Variants in ADAMTSL1 observed in about 807,000 individuals in gnomAD.
ADAMTSL1 encodes ADAMTS-like protein 1.
In ADAMTSL1, 126 loss-of-function variants were observed where a neutral mutation model predicts 201.8. That is an observed-to-expected ratio of 0.62 (90% confidence interval 0.54 to 0.72). The LOEUF is 0.72. Ranked by LOEUF, ADAMTSL1 falls within the 30% of genes least tolerant of loss-of-function variation. ADAMTSL1 has a pLI of 0.00. For synonymous variants in ADAMTSL1, 1,121 were observed against 903.4 expected (o/e 1.24, Z -4.32); for missense variants, 2,679 against 2,277.8 (o/e 1.18, Z -3.59).
chr9:18,206,138 T>G (rs1373588809), intron 2 of ADAMTSL1, among the ~76,000 whole-genome samples: 1 of 151,570 alleles, frequency 6.6e-6, no homozygotes, highest in Non-Finnish European at 1.5e-5. Context: ...GAGTTTTATG[T>G]TATCTTATTT....
At chr9:18,409,736 TA>T (rs1162895153) in intron 2 of ADAMTSL1, among the ~76,000 whole-genome samples, 24 of 150,550 alleles carry the variant, frequency 1.6e-4, no homozygotes, top group African/African-American at 5.6e-4. Context: ...TACATATAAG[TA>T]TCATGTATAT....
chr9:18,882,384 A>C (rs1397024549), intron 23 of ADAMTSL1, among the ~76,000 whole-genome samples: 1 of 151,942 alleles, frequency 6.6e-6, no homozygotes, highest in Non-Finnish European at 1.5e-5. Flanking sequence ...GCATTTGCCT[A>C]TTTCAGTCAG....
At chr9:18,067,652 G>T (rs939697934) in intron 1 of ADAMTSL1, among the ~76,000 whole-genome samples, 2 of 152,312 alleles carry the variant, frequency 1.3e-5, no homozygotes, top group South Asian at 2.1e-4. Flanking sequence ...TGGAGGGGCG[G>T]TGAAATACTC....
chr9:18,043,018 C>T (rs187675225), intron 1 of ADAMTSL1, among the ~76,000 whole-genome samples: 3 of 152,098 alleles, frequency 2.0e-5, no homozygotes, highest in Admixed American at 6.6e-5. Flanking sequence ...CTTTGTAAGA[C>T]AAAAAGTAAG....
At chr9:18,610,875 A>G (rs1049734793) in intron 4 of ADAMTSL1, among the ~76,000 whole-genome samples, 2 of 152,202 alleles carry the variant, frequency 1.3e-5, no homozygotes, top group Non-Finnish European at 2.9e-5. Flanking sequence ...CAAGAGTTTA[A>G]TTGTGTGTAG....
chr9:18,634,257 T>A (rs1197922267), intron 5 of ADAMTSL1, among the ~76,000 whole-genome samples: 1 of 152,044 alleles, frequency 6.6e-6, no homozygotes, highest in Non-Finnish European at 1.5e-5. Flanking sequence ...TTATGTACAC[T>A]GTTAAAAAAA....
rs1232464574 is a variant in ADAMTSL1 at position 18,887,956 on chromosome 9, C to T, written c.4375C>T (p.Leu1459Phe). The stretch of plus-strand genomic sequence containing the variant: ...TGGACAGATCCTTCAAGTTGCAAAC[C>T]TTAGCGGTGGGTCTCAAGGGGAATT... ...AAGQILQVAN[L>F]SGGSQGEFSC... is the part of the protein sequence containing the mutation. The change falls in exon 24 of 29, where the codon CTT becomes TTT. Residue 1459 changes from leucine (L) to phenylalanine (F), a missense_variant. By Grantham distance (22) the Leu-to-Phe change is conservative (BLOSUM62 0). Transcript: ENST00000380548. 6.2e-7 allele frequency: 1 copy of T among 1,613,974 alleles called. No individual in the cohort carries two copies. The highest frequency in any genetic ancestry group is 1.3e-5 in the African/African-American group (1 of 75,044).
chr9:18,882,705 G>C (rs1318858833), intron 23 of ADAMTSL1, among the ~76,000 whole-genome samples: 1 of 152,084 alleles, frequency 6.6e-6, no homozygotes, highest in Non-Finnish European at 1.5e-5. Flanking sequence ...TGAATAAGGT[G>C]ATACAGGGCC....
chr9:18,628,542 T>A (rs562493725), intron 5 of ADAMTSL1, among the ~76,000 whole-genome samples: 1 of 152,314 alleles, frequency 6.6e-6, no homozygotes, highest in African/African-American at 2.4e-5. Flanking sequence ...TTCAAATTCA[T>A]TTTGGCTATT....
At chr9:17,975,166 T>C (rs1340696358) in intron 1 of ADAMTSL1, among the ~76,000 whole-genome samples, 1 of 152,096 alleles carries the variant, frequency 6.6e-6, no homozygotes, top group East Asian at 1.9e-4. Flanking sequence ...ATGTTTTCTG[T>C]AAAAAATGTC....
chr9:18,603,840 C>A lies in ADAMTSL1; in HGVS notation c.475-18403C>A, dbSNP rs536256570. ...AAACTGACACTCTATGCCTATTAAC[C>A]AATAACTCCCTGTTAGAAATACCAA... On this transcript the variant is annotated intron_variant, in intron 4 of 28. Transcript: ENST00000380548. Among the ~76,000 whole-genome samples, 5 of 152,222 alleles carry A rather than the reference C, an allele frequency of 3.3e-5. No homozygotes were observed. In the South Asian group the frequency reaches 8.3e-4, roughly 25 times the overall value.
At chr9:18,823,582 T>C (rs911170283) in intron 21 of ADAMTSL1, among the ~76,000 whole-genome samples, 1 of 152,204 alleles carries the variant, frequency 6.6e-6, no homozygotes, top group African/African-American at 2.4e-5. Flanking sequence ...CACTCTCATT[T>C]TCTCTCCCCC....
rs1014930184 is a variant in ADAMTSL1 at position 18,908,470 on chromosome 9, C to T, written c.5211C>T (p.Cys1737=). 5.1e-6 allele frequency: 8 copies of T among 1,561,748 alleles called. No individual in the cohort carries two copies. Among genetic ancestry groups the T allele is most frequent in the East Asian group, 2.4e-5 (1 of 41,564 alleles). The change falls in exon 29 of 29, where the codon TGC becomes TGT. Residue 1737 remains cysteine, a synonymous_variant. Transcript: ENST00000380548. Reference sequence around the variant, plus strand: ...AGTGCAGAGACACCACCAGGTACTGCGAGAAGGTGAAACAGCTGAAACTCT... The same window carrying T: ...AGTGCAGAGACACCACCAGGTACTGTGAGAAGGTGAAACAGCTGAAACTCT... The part of the protein sequence containing the change: ...NMECRDTTRY[C]EKVKQLKLCQ...
intron 2 of ADAMTSL1, among the ~76,000 whole-genome samples, chr9:18,169,655 C>T (rs975744277): frequency 2.6e-5 from 4 of 152,016 alleles, no homozygotes; most frequent in African/African-American, 9.7e-5. Flanking sequence ...TTTTCCAATT[C>T]TGTGAAAAAG....
At chr9:18,254,689 A>G (rs1041573608) in intron 2 of ADAMTSL1, among the ~76,000 whole-genome samples, 4 of 113,234 alleles carry the variant, frequency 3.5e-5, no homozygotes, top group Non-Finnish European at 5.1e-5. Context: ...ACTCTTAAAT[A>G]CACTTTGCAG....
intron 2 of ADAMTSL1, among the ~76,000 whole-genome samples, chr9:18,259,301 G>A (rs1831820789): frequency 6.6e-6 from 1 of 151,970 alleles, no homozygotes; most frequent in African/African-American, 2.4e-5. Context: ...GAGGTGAGCG[G>A]ACCACTTGAA....
chr9:18,887,079 C>T (rs1828945307), intron 23 of ADAMTSL1, among the ~76,000 whole-genome samples: 1 of 152,178 alleles, frequency 6.6e-6, no homozygotes, highest in African/African-American at 2.4e-5. Context: ...AAGAAATTCT[C>T]TGTGGAAGGT....
At chr9:18,327,103 G>A (rs1405526524) in intron 2 of ADAMTSL1, among the ~76,000 whole-genome samples, 2 of 152,178 alleles carry the variant, frequency 1.3e-5, no homozygotes, top group East Asian at 1.9e-4. Context: ...CAAATTACTG[G>A]TACTCTCCTT....
chr9:18,598,424 A>T (rs191883933), intron 4 of ADAMTSL1, among the ~76,000 whole-genome samples: 1 of 152,266 alleles, frequency 6.6e-6, no homozygotes. Flanking sequence ...GAACCTTTAA[A>T]CAAAAAATTT....
Sources: allele counts gnomAD v4.1 joint callset (sites outside exome capture counted in the v4.1 genomes callset), GRCh38; gene constraint gnomAD v4.1.1; transcripts MANE v1.5; gene names NCBI Gene and HGNC (gene_info 2026-07-23, HGNC 2026-07-21).